Variants in OSBPL8 observed in about 807,000 individuals in gnomAD.
OSBPL8 encodes oxysterol binding protein like 8, also known as oxysterol-binding protein-related protein 8.
A neutral mutation model predicts 125.5 loss-of-function variants in OSBPL8; 59 were observed. The ratio of observed to expected loss-of-function variants is 0.47; its 90% CI spans 0.38 to 0.58. OSBPL8 has a LOEUF of 0.58. Ranked by LOEUF, OSBPL8 falls within the 20% of genes least tolerant of loss-of-function variation. OSBPL8 has a pLI of 0.00. For missense variants in OSBPL8, 758 were observed against 1,047.8 expected (o/e 0.72, Z 3.82); for synonymous variants, 330 against 338.9 (o/e 0.97, Z 0.29).
At chr12:76,423,010 A>G (rs993446642) in intron 4 of OSBPL8, 6 of 157,536 alleles carry the variant, frequency 3.8e-5, no homozygotes, top group African/African-American at 1.4e-4. Context: ...ATGAAGCAAT[A>G]AAGTCATTTT....
At chr12:76,522,105 C>T (rs1269017591) in intron 1 of OSBPL8, among the ~76,000 whole-genome samples, 1 of 152,058 alleles carries the variant, frequency 6.6e-6, no homozygotes, top group East Asian at 1.9e-4. Context: ...ATACTGTGAT[C>T]CCCTTCCATG....
intron 18 of OSBPL8, among the ~76,000 whole-genome samples, chr12:76,372,687 C>T (rs1952665534): frequency 6.6e-6 from 1 of 152,088 alleles, no homozygotes; most frequent in Non-Finnish European, 1.5e-5. Context: ...ATGGTATATC[C>T]ATGCAGTACC....
chr12:76,356,162 T>TGGGGGGTGGTGAGGGGGGGGG (rs1951977262), intron 23 of OSBPL8, 141 bp from the exon 24 acceptor site: 1 of 131,834 alleles, frequency 7.6e-6, no homozygotes, highest in African/African-American at 3.4e-5. Context: ...TATGTAGGGG[T>TGGGGGGTGGTGAGGGGGGGGG]GGGGGGGGGC....
At chr12:76,528,629 G>A (rs1160289814) in intron 1 of OSBPL8, among the ~76,000 whole-genome samples, 1 of 151,980 alleles carries the variant, frequency 6.6e-6, no homozygotes, top group Non-Finnish European at 1.5e-5. Flanking sequence ...TAAAATAAAA[G>A]ATAGTTGTCA....
intron 1 of OSBPL8, among the ~76,000 whole-genome samples, chr12:76,513,450 T>C (rs1325286026): frequency 6.6e-6 from 1 of 152,224 alleles, no homozygotes; most frequent in Non-Finnish European, 1.5e-5. Context: ...ATCCATTTGA[T>C]CTAATGTTGA....
In OSBPL8 at chr12:76,375,451, T is replaced by C. The variant is rs1048886672; in HGVS notation, c.1730-81A>G. ...CACGATAAACAGTTTAGTAATCTAA[T>C]CTTTTAGGAGAAACATAATTCAAAA... On this transcript the variant is annotated intron_variant, in intron 16 of 23. Transcript: ENST00000261183. 3.4e-6 allele frequency: 3 copies of C among 876,758 alleles called. No homozygotes were observed. In the African/African-American group the frequency reaches 5.1e-5, roughly 15 times the overall value. The allele number at this position is 876,758 out of a possible 1,614,324, so 54.3% of individuals were successfully genotyped here. A position where few individuals can be genotyped will look rare whatever the true frequency, so the allele number is the denominator to read the frequency against.
At chr12:76,454,632 T>C (rs1048358469) in intron 3 of OSBPL8, among the ~76,000 whole-genome samples, 1 of 151,270 alleles carries the variant, frequency 6.6e-6, no homozygotes. Flanking sequence ...GGTGGGAGCA[T>C]CACTTGAGCC....
chr12:76,499,852 C>CAAAAA (rs63165360), intron 1 of OSBPL8, among the ~76,000 whole-genome samples: 1 of 145,800 alleles, frequency 6.9e-6, no homozygotes, highest in Non-Finnish European at 1.5e-5. Flanking sequence ...GACTCCATCT[C>CAAAAA]AAAAAAAAAA....
chr12:76,371,771 T>C (rs1952627392), intron 18 of OSBPL8, 187 bp from the exon 19 acceptor site: 3 of 489,350 alleles, frequency 6.1e-6, no homozygotes, highest in Admixed American at 8.1e-5. Context: ...AACATTAAGA[T>C]TGACTACGTA....
In OSBPL8 at chr12:76,371,551, C is replaced by T; in HGVS notation, c.1951G>A (p.Asp651Asn). The T allele has an allele frequency of 2.5e-6, 4 of 1,609,402 alleles. No individual in the cohort carries two copies. The highest frequency in any genetic ancestry group is 3.4e-6 in the Non-Finnish European group (4 of 1,177,750). ...SEVFITDKKT[D>N]NSEVFWNPTP... ...GGATTCCAGAAAACCTCTGAATTAT[C>T]AGTCTTTTTATCAGTAATAAAAACT... is the stretch of plus-strand genomic sequence containing the variant. Residue 651 changes from aspartate (D) to asparagine (N), a missense_variant, in exon 19 of 24, where the codon GAT becomes AAT. Physicochemically the swap from Asp to Asn is conservative, Grantham distance 23. Transcript: ENST00000261183.
intron 8 of OSBPL8, among the ~76,000 whole-genome samples, 162 bp downstream of exon 8, chr12:76,397,532 C>T (rs1953862842): frequency 6.6e-6 from 1 of 152,034 alleles, no homozygotes; most frequent in African/African-American, 2.4e-5. Flanking sequence ...TTTTGGTGCA[C>T]ATTTTGTTGT....
chr12:76,437,254 C>A (rs546278606), intron 4 of OSBPL8, among the ~76,000 whole-genome samples: 2 of 152,114 alleles, frequency 1.3e-5, no homozygotes, highest in South Asian at 2.1e-4. Flanking sequence ...TGCTTCCATC[C>A]GTTGTAAATG....
chr12:76,538,062 A>G (rs557780350), intron 1 of OSBPL8: 4 of 152,362 alleles, frequency 2.6e-5, no homozygotes, highest in Admixed American at 1.3e-4. Flanking sequence ...AGTGGCAGTC[A>G]GCTAACTAAC....
chr12:76,526,595 G>A (rs377456113), intron 1 of OSBPL8, among the ~76,000 whole-genome samples: 2 of 143,804 alleles, frequency 1.4e-5, no homozygotes, highest in African/African-American at 5.1e-5. Context: ...AAAATTACAC[G>A]AGGAGATACA....
intron 21 of OSBPL8, among the ~76,000 whole-genome samples, chr12:76,364,462 G>T (rs963691317): frequency 1.1e-4 from 16 of 152,080 alleles, no homozygotes; most frequent in Admixed American, 1.0e-3. Context: ...ACAACACATG[G>T]ACACAGGCAG....
intron 15 of OSBPL8, among the ~76,000 whole-genome samples, chr12:76,382,832 G>A (rs1016117297): frequency 1.3e-4 from 20 of 152,158 alleles, no homozygotes; most frequent in Non-Finnish European, 7.3e-5. Flanking sequence ...GCAGTGAGCC[G>A]AGATTGTGCC....
chr12:76,410,510 C>T (rs1954469956), intron 5 of OSBPL8, 54 bp downstream of exon 5: 1 of 1,307,024 alleles, frequency 7.7e-7, no homozygotes, highest in Non-Finnish European at 1.1e-6. Flanking sequence ...TTAGTTCCCT[C>T]ATCTCAAATA....
At chr12:76,385,077 T>C (rs17197105) in intron 14 of OSBPL8, among the ~76,000 whole-genome samples, 23,039 of 152,192 alleles carry the variant, frequency 0.15, 2,182 homozygotes, top group Middle Eastern at 0.23. Context: ...TTCAACAATA[T>C]ATTTACTTCT....
At chr12:76,530,223 T>C (rs1180836608) in intron 1 of OSBPL8, among the ~76,000 whole-genome samples, 4 of 47,470 alleles carry the variant, frequency 8.4e-5, no homozygotes, top group Admixed American at 1.6e-4. Context: ...GGCCTGGCTT[T>C]TTTTTTTTTT....
Sources: gnomAD v4.1 joint callset for allele counts (sites outside exome capture counted in the v4.1 genomes callset) on GRCh38, gnomAD v4.1.1 for gene constraint, MANE v1.5 for transcripts, NCBI Gene and HGNC (gene_info 2026-07-23, HGNC 2026-07-21) for gene names.